Variants in LRRTM4 observed in about 807,000 individuals in gnomAD.
LRRTM4 encodes leucine rich repeat transmembrane neuronal 4, also known as leucine-rich repeat transmembrane neuronal protein 4.
LRRTM4 carries 25 observed loss-of-function variants against 47.6 expected under a neutral mutation model. The ratio of observed to expected loss-of-function variants is 0.53; its 90% confidence interval spans 0.38 to 0.73. The LOEUF is 0.73. Ranked by LOEUF, LRRTM4 falls within the 30% of genes least tolerant of loss-of-function variation. LRRTM4 has a pLI of 0.00. For synonymous variants in LRRTM4, 311 were observed against 269.5 expected (o/e 1.15, Z -1.51); for missense variants, 638 against 713.4 (o/e 0.89, Z 1.20).
At chr2:77,277,306 CAGTAT>C (rs58930397) in intron 3 of LRRTM4, among the ~76,000 whole-genome samples, 7,754 of 151,788 alleles carry the variant, frequency 0.051, 598 homozygotes, top group African/African-American at 0.18. Flanking sequence ...TGTTTTAGTT[CAGTAT>C]AAGTTTTAAC....
chr2:77,376,248 A>C (rs1672836333), intron 3 of LRRTM4, among the ~76,000 whole-genome samples: 1 of 151,786 alleles, frequency 6.6e-6, no homozygotes, highest in Non-Finnish European at 1.5e-5. Context: ...ATTTACAAAA[A>C]AAAATTGTTG....
intron 3 of LRRTM4, among the ~76,000 whole-genome samples, chr2:77,055,285 TCTCA>T (rs1679564958): frequency 6.6e-6 from 1 of 152,232 alleles, no homozygotes; most frequent in Non-Finnish European, 1.5e-5. Context: ...GGTCTTTGAT[TCTCA>T]GGAAAGAACA....
At chr2:76,805,485 G>A (rs1023068859) in intron 3 of LRRTM4, among the ~76,000 whole-genome samples, 3 of 152,134 alleles carry the variant, frequency 2.0e-5, no homozygotes, top group African/African-American at 4.8e-5. Flanking sequence ...TTGCTGTAGT[G>A]ACAAAGAGTT....
intron 3 of LRRTM4, among the ~76,000 whole-genome samples, chr2:76,899,902 T>C (rs1333422283): frequency 6.6e-6 from 1 of 152,118 alleles, no homozygotes; most frequent in East Asian, 1.9e-4. Context: ...TCCATACTTA[T>C]ACCAATCTTG....
At chr2:76,916,221 G>A (rs1050759720) in intron 3 of LRRTM4, among the ~76,000 whole-genome samples, 8 of 151,580 alleles carry the variant, frequency 5.3e-5, no homozygotes, top group African/African-American at 1.9e-4. Context: ...TAAAAAATAT[G>A]TATGGTCCAA....
chr2:76,997,561 C>T (rs1677246559), intron 3 of LRRTM4, among the ~76,000 whole-genome samples: 1 of 152,124 alleles, frequency 6.6e-6, no homozygotes. Flanking sequence ...TACCATACTG[C>T]TCCCACTTGC....
intron 3 of LRRTM4, among the ~76,000 whole-genome samples, chr2:76,895,189 G>C (rs756956222): frequency 7.9e-5 from 12 of 151,982 alleles, no homozygotes; most frequent in Non-Finnish European, 1.6e-4. Flanking sequence ...ATAGCATCCT[G>C]TGTTAATTTA....
intron 3 of LRRTM4, among the ~76,000 whole-genome samples, chr2:76,804,315 C>G (rs1675852433): frequency 6.6e-6 from 1 of 152,040 alleles, no homozygotes. Flanking sequence ...TGTATCAAAA[C>G]TTGTTATATG....
chr2:77,243,415 T>TA (rs548046680), intron 3 of LRRTM4, among the ~76,000 whole-genome samples: 1,216 of 47,522 alleles, frequency 0.026, 35 homozygotes, highest in Non-Finnish European at 0.044. Context: ...CGTCTCAAAA[T>TA]AAAAAAAAAT....
intron 3 of LRRTM4, among the ~76,000 whole-genome samples, chr2:76,978,691 C>T (rs1016641749): frequency 2.0e-5 from 3 of 151,990 alleles, no homozygotes; most frequent in Non-Finnish European, 4.4e-5. Flanking sequence ...AAGATTCAGA[C>T]GTGCCTGAGT....
intron 3 of LRRTM4, among the ~76,000 whole-genome samples, chr2:77,202,682 G>A (rs1674010456): frequency 6.6e-6 from 1 of 151,642 alleles, no homozygotes; most frequent in African/African-American, 2.4e-5. Flanking sequence ...AATATTACTG[G>A]AGTTATGTCA....
chr2:76,925,574 C>T (rs1188569138), intron 3 of LRRTM4, among the ~76,000 whole-genome samples: 1 of 152,164 alleles, frequency 6.6e-6, no homozygotes, highest in Non-Finnish European at 1.5e-5. Flanking sequence ...CCCTTATCCA[C>T]AAACAAGCTT....
At chr2:77,426,649 T>G (rs1675116319) in intron 3 of LRRTM4, among the ~76,000 whole-genome samples, 1 of 152,196 alleles carries the variant, frequency 6.6e-6, no homozygotes, top group Non-Finnish European at 1.5e-5. Flanking sequence ...CAATATCTGA[T>G]GGTTTTATAA....
intron 3 of LRRTM4, among the ~76,000 whole-genome samples, chr2:77,025,522 TTCTC>T (rs1209222640): frequency 1.3e-5 from 2 of 152,180 alleles, no homozygotes; most frequent in African/African-American, 2.4e-5. Flanking sequence ...CTCTTCAGTC[TTCTC>T]TCTCTTATTA....
chr2:77,139,644 A>C (rs1672057299), intron 3 of LRRTM4, among the ~76,000 whole-genome samples: 1 of 152,122 alleles, frequency 6.6e-6, no homozygotes, highest in Non-Finnish European at 1.5e-5. Context: ...CAGGCAGGAG[A>C]AATAAAGGGT....
At chr2:77,318,798 A>T (rs748801157) in intron 3 of LRRTM4, among the ~76,000 whole-genome samples, 6 of 152,216 alleles carry the variant, frequency 3.9e-5, no homozygotes, top group Non-Finnish European at 7.3e-5. Context: ...AAACATTTAT[A>T]AGAATTAACA....
At chr2:77,411,484 G>C (rs1380784270) in intron 3 of LRRTM4, among the ~76,000 whole-genome samples, 1 of 109,348 alleles carries the variant, frequency 9.1e-6, no homozygotes, top group Non-Finnish European at 1.7e-5. Context: ...ACGGAGTCTT[G>C]CTCTGTCGCC....
chr2:76,894,973 G>A (rs1673366683), intron 3 of LRRTM4, among the ~76,000 whole-genome samples: 1 of 150,586 alleles, frequency 6.6e-6, no homozygotes, highest in Non-Finnish European at 1.5e-5. Flanking sequence ...TAATATAGCA[G>A]CTTTCACTTT....
chr2:77,116,517 T>A (rs1175888654), intron 3 of LRRTM4, among the ~76,000 whole-genome samples: 2 of 152,106 alleles, frequency 1.3e-5, no homozygotes, highest in East Asian at 3.9e-4. Context: ...TTTAGCAAAC[T>A]AATATTTTAG....
Sources: allele counts gnomAD v4.1 joint callset (sites outside exome capture counted in the v4.1 genomes callset), GRCh38; gene constraint gnomAD v4.1.1; transcripts MANE v1.5; gene names NCBI Gene and HGNC (gene_info 2026-07-23, HGNC 2026-07-21).